Variants in CSMD1 observed in about 807,000 individuals in gnomAD.
CSMD1 encodes the protein CUB and Sushi multiple domains 1.
CSMD1 carries 213 observed loss-of-function variants against 417.5 expected under a neutral mutation model. The ratio of observed to expected loss-of-function variants is 0.51; its 90% CI spans 0.46 to 0.57. The LOEUF (loss-of-function observed/expected upper bound fraction) is 0.57. Ranked by LOEUF, CSMD1 falls within the 20% of genes least tolerant of loss-of-function variation. The pLI is 0.00. For missense variants in CSMD1, 6,923 were observed against 4,529.7 expected, an observed-to-expected ratio of 1.53 and a Z score of -15.17; for synonymous variants, 2,862 against 1,736.8, an observed-to-expected ratio of 1.65 and a Z score of -16.11.
At chr8:4,775,866 G>A (rs927168927) in intron 1 of CSMD1, among the ~76,000 whole-genome samples, 29 of 152,140 alleles carry the variant, frequency 1.9e-4, no homozygotes, top group African/African-American at 7.0e-4. Context: ...TCAATGTAAT[G>A]TACCATAGGA....
At chr8:4,386,343 C>T (rs1172683803) in intron 3 of CSMD1, among the ~76,000 whole-genome samples, 1 of 152,168 alleles carries the variant, frequency 6.6e-6, no homozygotes, top group Admixed American at 6.5e-5. Flanking sequence ...TCGGTTATGA[C>T]TTCCATCCCA....
intron 3 of CSMD1, among the ~76,000 whole-genome samples, chr8:4,132,247 A>C (rs1160442134): frequency 1.4e-5 from 2 of 139,590 alleles, no homozygotes; most frequent in African/African-American, 2.7e-5. Context: ...TCTAACATCT[A>C]GCACTGCTGG....
chr8:4,180,232 G>T (rs1053061462), intron 3 of CSMD1, among the ~76,000 whole-genome samples: 2 of 151,956 alleles, frequency 1.3e-5, no homozygotes, highest in African/African-American at 4.8e-5. Context: ...ATACACCATG[G>T]TATACTATGC....
At chr8:3,334,665 T>C (rs1020359054) in intron 23 of CSMD1, among the ~76,000 whole-genome samples, 4 of 152,228 alleles carry the variant, frequency 2.6e-5, no homozygotes, top group African/African-American at 9.6e-5. Flanking sequence ...TTACTTATTG[T>C]GGCAAAAACA....
chr8:3,942,191 T>G (rs1264579393), intron 5 of CSMD1, among the ~76,000 whole-genome samples: 1 of 151,976 alleles, frequency 6.6e-6, no homozygotes, highest in Non-Finnish European at 1.5e-5. Flanking sequence ...CTCCCACTGA[T>G]TCTACATTAT....
intron 12 of CSMD1, among the ~76,000 whole-genome samples, chr8:3,451,906 C>G (rs867139127): frequency 6.6e-6 from 1 of 152,282 alleles, no homozygotes; most frequent in Middle Eastern, 3.4e-3. Context: ...TTACCTTGGG[C>G]AGTATGGCCA....
intron 37 of CSMD1, among the ~76,000 whole-genome samples, chr8:3,177,716 G>T (rs1292496665): frequency 6.6e-6 from 1 of 152,218 alleles, no homozygotes; most frequent in South Asian, 2.1e-4. Context: ...CAATCTTGTT[G>T]TTCCTCCCAC....
intron 2 of CSMD1, among the ~76,000 whole-genome samples, chr8:4,593,980 C>T (rs1400215672): frequency 6.6e-6 from 1 of 151,956 alleles, no homozygotes; most frequent in Non-Finnish European, 1.5e-5. Context: ...CTGTGGAGGA[C>T]CCTTCTTGTC....
At chr8:3,591,626 T>A (rs1800849626) in intron 8 of CSMD1, among the ~76,000 whole-genome samples, 1 of 152,200 alleles carries the variant, frequency 6.6e-6, no homozygotes, top group African/African-American at 2.4e-5. Flanking sequence ...CTACCTCTCT[T>A]TTCAACCCAC....
chr8:3,549,702 G>C (rs1340753983), intron 10 of CSMD1, among the ~76,000 whole-genome samples: 2 of 152,144 alleles, frequency 1.3e-5, no homozygotes, highest in African/African-American at 4.8e-5. Flanking sequence ...GCCGTGTGCT[G>C]CCTTGGGCCT....
At position 3,162,221 on chromosome 8, in the gene CSMD1, C is replaced by T. The variant is rs745402367; in HGVS notation, c.5782G>A (p.Gly1928Arg). The T allele has an allele frequency of 6.8e-6, 11 of 1,611,604 alleles. No homozygotes were observed. The highest frequency in any genetic ancestry group is 1.1e-5 in the South Asian group (1 of 90,098). Residue 1928 changes from glycine to arginine, a missense_variant, in exon 38 of 70, where the codon GGA (glycine) becomes AGA (arginine). By Grantham distance (125) the Gly-to-Arg change is moderately radical. Coordinates refer to ENST00000635120, the MANE Select transcript of CSMD1 (RefSeq NM_033225.6). ...PALPSNSIKI[G>R]DRYMVNDVLS... is the part of the protein sequence containing the mutation. ...ACGTCGTTCACCATGTACCGATCTC[C>T]GATTTTGATGCTGTTGCTGGGGAGG...
chr8:4,569,891 T>G (rs1436013795), intron 2 of CSMD1, among the ~76,000 whole-genome samples: 1 of 152,226 alleles, frequency 6.6e-6, no homozygotes, highest in African/African-American at 2.4e-5. Context: ...GATATTTTAT[T>G]CTCTTTGTAG....
intron 5 of CSMD1, among the ~76,000 whole-genome samples, chr8:3,779,459 A>G (rs1277816512): frequency 6.6e-6 from 1 of 152,186 alleles, no homozygotes; most frequent in African/African-American, 2.4e-5. Context: ...TTAAAATTTT[A>G]GACATCTTAA....
chr8:3,738,308 T>G (rs1584926483), intron 6 of CSMD1, among the ~76,000 whole-genome samples: 1 of 152,342 alleles, frequency 6.6e-6, no homozygotes, highest in African/African-American at 2.4e-5. Flanking sequence ...TATTTGTATG[T>G]GTATTTTGCA....
At chr8:3,109,513 C>T (rs1166942696) in intron 43 of CSMD1, among the ~76,000 whole-genome samples, 2 of 152,172 alleles carry the variant, frequency 1.3e-5, no homozygotes, top group Admixed American at 1.3e-4. Flanking sequence ...AAGCCAGTCT[C>T]CTTTCTTGCC....
At chr8:3,726,296 G>A (rs927528025) in intron 6 of CSMD1, among the ~76,000 whole-genome samples, 3 of 152,160 alleles carry the variant, frequency 2.0e-5, no homozygotes, top group South Asian at 2.1e-4. Flanking sequence ...TAAAAAATAC[G>A]TGAGCTCAGA....
chr8:4,250,884 T>A (rs1803022980), intron 3 of CSMD1, among the ~76,000 whole-genome samples: 4 of 152,200 alleles, frequency 2.6e-5, no homozygotes, highest in Admixed American at 1.3e-4. Flanking sequence ...ACTACCCTGA[T>A]GAAAAGAGCA....
At chr8:4,560,177 T>A (rs997500554) in intron 2 of CSMD1, among the ~76,000 whole-genome samples, 6 of 152,196 alleles carry the variant, frequency 3.9e-5, no homozygotes, top group Admixed American at 1.3e-4. Context: ...TCACCGCACT[T>A]TCTCAGTTCC....
chr8:4,979,520 A>G (rs964110207), intron 1 of CSMD1, among the ~76,000 whole-genome samples: 3 of 152,136 alleles, frequency 2.0e-5, no homozygotes, highest in African/African-American at 7.2e-5. Context: ...ATCATAAGAT[A>G]CTCACTGTCT....
Sources: allele counts gnomAD v4.1 joint callset (sites outside exome capture counted in the v4.1 genomes callset), GRCh38; gene constraint gnomAD v4.1.1; transcripts MANE v1.5; gene names NCBI Gene and HGNC (gene_info 2026-07-23, HGNC 2026-07-21).